SLC2A9: variants seen among roughly 807,000 people sequenced by gnomAD.
The protein encoded by SLC2A9 is solute carrier family 2 member 9.
Under a neutral mutation model 50.6 loss-of-function variants are expected in SLC2A9, and 39 were observed. That is an observed-to-expected ratio of 0.77 (90% confidence interval 0.60 to 1.01). SLC2A9 has a LOEUF of 1.01. SLC2A9 is among the 50% of genes least tolerant of loss of function. SLC2A9 has a pLI of 0.00. For synonymous variants in SLC2A9, 324 were observed against 276.9 expected, an observed-to-expected ratio of 1.17 and a Z score of -1.69; for missense variants, 686 against 677.6, an observed-to-expected ratio of 1.01 and a Z score of -0.14.
At chr4:9,787,364 C>G (rs1719354763) in intron 3 of SLC2A9, among the ~76,000 whole-genome samples, 1 of 152,226 alleles carries the variant, frequency 6.6e-6, no homozygotes, top group Non-Finnish European at 1.5e-5. Context: ...TTTTTAAACA[C>G]TTGTTCTCAC....
intron 2 of SLC2A9, among the ~76,000 whole-genome samples, chr4:10,016,924 CCT>C (rs1762706802): frequency 6.6e-6 from 1 of 152,084 alleles, no homozygotes; most frequent in African/African-American, 2.4e-5. Context: ...TGCTTTTCCA[CCT>C]CTTCTTTCAT....
intron 10 of SLC2A9, among the ~76,000 whole-genome samples, chr4:9,874,994 G>A (rs948283847): frequency 1.2e-4 from 14 of 113,542 alleles, no homozygotes; most frequent in Admixed American, 4.9e-4. Context: ...ATAGGTTAGC[G>A]TCTGTCTAAG....
intron 2 of SLC2A9, among the ~76,000 whole-genome samples, chr4:10,004,620 G>T (rs148984563): frequency 1.4e-4 from 21 of 152,176 alleles, no homozygotes; most frequent in Non-Finnish European, 2.6e-4. Flanking sequence ...CTTCAAATGA[G>T]GTGATATAAA....
chr4:10,025,098 C>G (rs1278875632), upstream of SLC2A9, among the ~76,000 whole-genome samples: 1 of 152,228 alleles, frequency 6.6e-6, no homozygotes, highest in Non-Finnish European at 1.5e-5. Context: ...TTCACACCTT[C>G]TTGACAACTT....
intron 10 of SLC2A9, among the ~76,000 whole-genome samples, chr4:9,859,480 C>A (rs1577568811): frequency 6.6e-6 from 1 of 152,212 alleles, no homozygotes; most frequent in East Asian, 1.9e-4. Flanking sequence ...AGTCATTCAC[C>A]TAATTTGTGG....
At position 9,950,659 on chromosome 4, in the gene SLC2A9, T is replaced by C. The variant is rs546690512; in HGVS notation, c.682-8614A>G. ...CTGTTCATGGGAACGTAAACTAGTA[T>C]AGCTGTGAAAGAAAACAGTATGGAG... On this transcript the variant is annotated intron_variant, in intron 5 of 11. Transcript: ENST00000264784. Among the ~76,000 whole-genome samples, 5 of 152,230 alleles carry C rather than the reference T, an allele frequency of 3.3e-5. No homozygotes were observed. In the South Asian group the frequency reaches 1.0e-3, roughly 32 times the overall value.
chr4:9,775,265 C>G (rs879339152), downstream of SLC2A9, among the ~76,000 whole-genome samples: 1 of 152,164 alleles, frequency 6.6e-6, no homozygotes, highest in Admixed American at 6.5e-5. Context: ...TGGGGCCCAA[C>G]GGGGAGACTC....
At chr4:9,986,015 G>T (rs546456490) in intron 3 of SLC2A9, among the ~76,000 whole-genome samples, 2 of 152,322 alleles carry the variant, frequency 1.3e-5, no homozygotes, top group African/African-American at 4.8e-5. Context: ...TGACATCTAT[G>T]AATTCTCTGT....
intron 6 of SLC2A9, among the ~76,000 whole-genome samples, chr4:9,929,883 T>A (rs772142423): frequency 6.6e-6 from 1 of 152,058 alleles, no homozygotes; most frequent in Non-Finnish European, 1.5e-5. Flanking sequence ...CAGAGTCAGC[T>A]CCCTGGTGAA....
At chr4:9,867,079 G>A (rs1035588229) in intron 10 of SLC2A9, among the ~76,000 whole-genome samples, 15 of 152,190 alleles carry the variant, frequency 9.9e-5, no homozygotes, top group Non-Finnish European at 2.9e-5. Context: ...CAGTTTAACA[G>A]AAAAACAATG....
chr4:9,855,880 A>T (rs1730641813), intron 10 of SLC2A9, among the ~76,000 whole-genome samples: 1 of 152,216 alleles, frequency 6.6e-6, no homozygotes, highest in Non-Finnish European at 1.5e-5. Flanking sequence ...CCTGTGCAAT[A>T]AATGGTGCTG....
chr4:9,990,999 T>C lies in SLC2A9; in HGVS notation c.411-5206A>G, dbSNP rs114213986. Among the ~76,000 whole-genome samples the C allele has an allele frequency of 3.6e-3, 552 of 152,296 alleles. 5 individuals carry two copies. The highest frequency in any genetic ancestry group is 0.012 in the African/African-American group (497 of 41,552). On this transcript the variant is annotated intron_variant, in intron 3 of 11. Coordinates refer to ENST00000264784, the MANE Select transcript of SLC2A9 (RefSeq NM_020041.3). ...TCAGGGTTGACTCTTCTCCAGAAGA[T>C]TGACATTGGCTCTGAAGGTGGATCC...
intron 3 of SLC2A9, among the ~76,000 whole-genome samples, chr4:9,812,636 C>T (rs376317518): frequency 5.3e-5 from 8 of 151,988 alleles, no homozygotes; most frequent in African/African-American, 1.7e-4. Flanking sequence ...TTGCCAAATG[C>T]GTAGGTAGCT....
Position 9,950,690 on chromosome 4 carries a change from G to C in SLC2A9, c.682-8645C>G, listed in dbSNP as rs1268028895. ...TGAAAGAAAACAGTATGGAGAGATCGAGACCATCCTGGCTAACACGGTGAA... is the reference window on the plus strand; with the variant it reads ...TGAAAGAAAACAGTATGGAGAGATCCAGACCATCCTGGCTAACACGGTGAA... On this transcript the variant is annotated intron_variant, in intron 5 of 11. Coordinates refer to ENST00000264784, the MANE Select transcript of SLC2A9 (RefSeq NM_020041.3). Among the ~76,000 whole-genome samples, 2 of 47,286 alleles carry C rather than the reference G, an allele frequency of 4.2e-5. 1 individual carries two copies. Among genetic ancestry groups the C allele is most frequent in the African/African-American group, 2.7e-4 (2 of 7,450 alleles). The allele number at this position is 47,286 out of a possible 152,430, so 31.0% of individuals were successfully genotyped here. A position where few individuals can be genotyped will look rare whatever the true frequency, so the allele number is the denominator to read the frequency against.
intron 6 of SLC2A9, among the ~76,000 whole-genome samples, chr4:9,929,537 TTTGGA>T (rs879912525): frequency 0.03 from 4,603 of 152,172 alleles, 103 homozygotes; most frequent in African/African-American, 0.061. Context: ...GGCCTGAGCA[TTTGGA>T]GAGGCACGTG....
chr4:9,881,247 C>G (rs1025231443), intron 10 of SLC2A9, among the ~76,000 whole-genome samples: 1 of 152,226 alleles, frequency 6.6e-6, no homozygotes, highest in Admixed American at 6.5e-5. Flanking sequence ...TTAGAAAATG[C>G]CAAGCCTGGG....
chr4:9,920,304 G>A (rs770292710), intron 7 of SLC2A9, 81 bp downstream of exon 7: 186 of 1,491,882 alleles, frequency 1.2e-4, no homozygotes, highest in Middle Eastern at 2.1e-4. Context: ...GAACCTGGGC[G>A]TCTGGGGCCC....
intron 1 of SLC2A9, among the ~76,000 whole-genome samples, chr4:10,019,861 A>C (rs1302661588): frequency 7.0e-4 from 106 of 152,350 alleles, no homozygotes; most frequent in Non-Finnish European, 1.2e-4. Context: ...AAGGACAGCC[A>C]CCACCAGTAC....
intron 2 of SLC2A9, among the ~76,000 whole-genome samples, chr4:10,013,138 A>G (rs1452923156): frequency 6.6e-6 from 1 of 152,178 alleles, no homozygotes; most frequent in Non-Finnish European, 1.5e-5. Context: ...TAAGGACAAT[A>G]AGAACCTCTT....
Sources: allele counts gnomAD v4.1 joint callset (sites outside exome capture counted in the v4.1 genomes callset), GRCh38; gene constraint gnomAD v4.1.1; transcripts MANE v1.5; gene names NCBI Gene and HGNC (gene_info 2026-07-23, HGNC 2026-07-21).